Variants in SIGLEC1 observed in about 807,000 individuals in gnomAD.
SIGLEC1 encodes sialoadhesin.
SIGLEC1 carries 132 observed loss-of-function variants against 148.0 expected under a neutral mutation model. That is an observed-to-expected ratio of 0.89 (90% CI 0.77 to 1.03). SIGLEC1 has a LOEUF of 1.03. Among genes scored for constraint, SIGLEC1 ranks in the 50% least tolerant of loss-of-function variants. The pLI is 0.00. For synonymous variants in SIGLEC1, 945 were observed against 969.0 expected (o/e 0.98, Z 0.46); for missense variants, 2,253 against 2,271.4 (o/e 0.99, Z 0.16).
rs199679594 is a variant in SIGLEC1 at position 3,703,895 on chromosome 20, G to A, written c.903C>T (p.Gly301=). The part of the protein sequence containing the change: ...HLPQAAWSDA[G]VYTCQAENGV... ...CGTTCTCAGCTTGGCAGGTGTAGAC[G>A]CCAGCATCGCTCCAGGCTGCCTGGG... The change falls in exon 5 of 22, where the codon GGC becomes GGT. Residue 301 remains glycine (G), a synonymous_variant. Coordinates refer to ENST00000344754, the MANE Select transcript of SIGLEC1 (RefSeq NM_023068.4). 47 of 1,613,894 alleles carry A rather than the reference G, an allele frequency of 2.9e-5. No homozygotes were observed. The Middle Eastern group carries it at 4.9e-4, about 17-fold the overall frequency.
At position 3,693,036 on chromosome 20, in the gene SIGLEC1, G is replaced by C; in HGVS notation, c.3604C>G (p.Gln1202Glu). Residue 1202 changes from glutamine (Q) to glutamate (E), a missense_variant, in exon 15 of 22, where the codon CAG becomes GAG. By Grantham distance (29) the Gln-to-Glu change is conservative. Transcript: ENST00000344754. ...CGACCGGCGTGGCTGAGGGCCAGCT[G>C]GGCGGGCGGGCGGCTGTCCACAGTG... The part of the protein sequence containing the change: ...LCTVDSRPPA[Q>E]LALSHAGRLL... 6.2e-7 allele frequency: 1 copy of C among 1,609,440 alleles called. No homozygotes were observed. The highest frequency in any genetic ancestry group is 8.5e-7 in the Non-Finnish European group (1 of 1,179,254).
intron 5 of SIGLEC1, among the ~76,000 whole-genome samples, 180 bp from the exon 6 acceptor site, chr20:3,703,631 C>G (rs2087869935): frequency 6.6e-6 from 1 of 152,196 alleles, no homozygotes; most frequent in Non-Finnish European, 1.5e-5. Flanking sequence ...ACCAGGATCC[C>G]CCTGACACCC....
At chr20:3,689,286 C>T in intron 20 of SIGLEC1, 59 bp from the exon 21 acceptor site, 3 of 1,424,332 alleles carry the variant, frequency 2.1e-6, no homozygotes, top group Non-Finnish European at 3.0e-6. Context: ...TGCCCCCATT[C>T]CTCTCCCGCT....
In SIGLEC1 at chr20:3,701,458, G is replaced by A; in HGVS notation, c.1412C>T (p.Pro471Leu). The change falls in exon 7 of 22, where the codon CCC becomes CTC. Residue 471 changes from proline to leucine, a missense_variant. Transcript: ENST00000344754. ...TCGGATCTCCAGGCGCAGGGAGTTG[G>A]GACCAGAGGTACCACTGAAGCGTGG... is the stretch of plus-strand genomic sequence containing the variant. ...HSPRFSGTSG[P>L]NSLRLEIRDL... 6.2e-7 allele frequency: 1 copy of A among 1,614,140 alleles called. No individual in the cohort carries two copies. Among genetic ancestry groups the A allele is most frequent in the Non-Finnish European group, 8.5e-7 (1 of 1,180,044 alleles).
intron 11 of SIGLEC1, 45 bp from the exon 12 acceptor site, chr20:3,694,968 T>C (rs2146522476): frequency 6.3e-7 from 1 of 1,577,976 alleles, no homozygotes; most frequent in Non-Finnish European, 8.6e-7. Flanking sequence ...CCACCACACC[T>C]CTCACAGTCT....
chr20:3,691,819 C>T (rs558844860), intron 17 of SIGLEC1, 84 bp downstream of exon 17: 21 of 1,464,038 alleles, frequency 1.4e-5, no homozygotes, highest in Middle Eastern at 1.8e-4. Flanking sequence ...CCAGACAGCC[C>T]GCTCTAGTGG....
rs376235443 is a variant in SIGLEC1 at position 3,697,204 on chromosome 20, C to T, written c.2261G>A (p.Gly754Asp). 5.0e-6 allele frequency: 8 copies of T among 1,613,804 alleles called. No homozygotes were observed. ...CAGCAGTGTCACGGTCTCCAGGGGA[C>T]CCTGGGCCCACAGCACCCCATTTCG... ...WFRNGVLWAQGPLETVTLLPV... is the reference protein window; with the variant it reads ...WFRNGVLWAQDPLETVTLLPV... Residue 754 changes from glycine to aspartate, a missense_variant, in exon 10 of 22, where the codon GGT becomes GAT. Physicochemically the swap from Gly to Asp is moderately conservative, Grantham distance 94. Coordinates refer to ENST00000344754, the MANE Select transcript of SIGLEC1 (RefSeq NM_023068.4).
intron 4 of SIGLEC1, 76 bp from the exon 5 acceptor site, chr20:3,704,167 T>G (rs2087875799): frequency 1.4e-6 from 2 of 1,398,908 alleles, no homozygotes; most frequent in South Asian, 2.5e-5. Flanking sequence ...CTTGCCCCCC[T>G]TTAAAAGCTC....
rs749458139 is a variant in SIGLEC1 at position 3,701,540 on chromosome 20, C to T, written c.1330G>A (p.Val444Met). ...SVVSEPLATL[V>M]LSHGGHILAS... ...AGGATATGACCCCCATGTGACAGCA[C>T]CAGTGTGGCCAGGGGCTCACTGACC... The change falls in exon 7 of 22, where the codon GTG becomes ATG. Residue 444 changes from valine (V) to methionine (M), a missense_variant. Coordinates refer to ENST00000344754, the MANE Select transcript of SIGLEC1 (RefSeq NM_023068.4). 2 of 1,613,722 alleles carry T rather than the reference C, an allele frequency of 1.2e-6. No homozygotes were observed. The highest frequency in any genetic ancestry group is 1.1e-5 in the South Asian group (1 of 91,046).
intron 11 of SIGLEC1, 94 bp from the exon 12 acceptor site, chr20:3,695,017 AC>A (rs2088809044): frequency 7.5e-7 from 1 of 1,337,546 alleles, no homozygotes; most frequent in Non-Finnish European, 1.0e-6. Context: ...ACACAACCCA[AC>A]CCCATGTGCT....
chr20:3,712,006 G>T (rs918758535), intron 1 of SIGLEC1, among the ~76,000 whole-genome samples: 1 of 151,828 alleles, frequency 6.6e-6, no homozygotes, highest in Non-Finnish European at 1.5e-5. Context: ...TGATGGGTGG[G>T]GGTAAGGGTG....
At position 3,703,436 on chromosome 20, in the gene SIGLEC1, A is replaced by T. The variant is rs1480181691; in HGVS notation, c.989T>A (p.Val330Glu). ...SLHIFMAEVQ[V>E]SPAGPILENQ... ...CTCCAGGATGGGACCTGCTGGGCTCACCTGGACCTCAGCCACTGCAAGGGC... is the reference window on the plus strand; with the variant it reads ...CTCCAGGATGGGACCTGCTGGGCTCTCCTGGACCTCAGCCACTGCAAGGGC... The change falls in exon 6 of 22, where the codon GTG becomes GAG. Residue 330 changes from valine (V) to glutamate (E), a missense_variant. By Grantham distance (121) the Val-to-Glu change is moderately radical. Coordinates refer to ENST00000344754, the MANE Select transcript of SIGLEC1 (RefSeq NM_023068.4). The T allele has an allele frequency of 1.3e-6, 2 of 1,574,254 alleles. No individual in the cohort carries two copies. Among genetic ancestry groups the T allele is most frequent in the South Asian group, 2.4e-5 (2 of 83,238 alleles).
At position 3,694,392 on chromosome 20, in the gene SIGLEC1, G is replaced by A. The variant is rs757956041; in HGVS notation, c.3085C>T (p.Gln1029Ter). Reference sequence around the variant, plus strand: ...CTGCCTTCGGGTCCCCCCACACCTTGTAGGGTGGAGGCCACAAGGCGATCC... The same window carrying A: ...CTGCCTTCGGGTCCCCCCACACCTTATAGGGTGGAGGCCACAAGGCGATCC... ...HGDRLVASTL[Q>*]GVGGPEGSSP... The change falls in exon 13 of 22, where the codon CAA becomes TAA. Residue 1029 changes from glutamine to a stop codon, truncating the protein, a stop_gained. Coordinates refer to ENST00000344754, the MANE Select transcript of SIGLEC1 (RefSeq NM_023068.4). LOFTEE classifies it high-confidence loss of function. 8 of 1,613,272 alleles carry A rather than the reference G, an allele frequency of 5.0e-6. No individual in the cohort carries two copies. The highest frequency in any genetic ancestry group is 5.9e-6 in the Non-Finnish European group (7 of 1,179,868).
chr20:3,693,335 G>C, intron 14 of SIGLEC1, 112 bp downstream of exon 14: 1 of 1,286,522 alleles, frequency 7.8e-7, no homozygotes. Flanking sequence ...TGCTCCACTA[G>C]CTACTGGGTA....
At chr20:3,693,408 C>T in intron 14 of SIGLEC1, 39 bp downstream of exon 14, 1 of 1,529,774 alleles carries the variant, frequency 6.5e-7, no homozygotes, top group Non-Finnish European at 8.8e-7. Context: ...GGGCTTCTGT[C>T]ATTCCTGTGA....
rs1360247880 is a variant in SIGLEC1 at position 3,693,703 on chromosome 20, G to A, written c.3257-5C>T. On this transcript the variant is annotated splice_region_variant and splice_polypyrimidine_tract_variant and intron_variant, in intron 13 of 21. Coordinates refer to ENST00000344754, the MANE Select transcript of SIGLEC1 (RefSeq NM_023068.4). The stretch of plus-strand genomic sequence containing the variant: ...GCCACACCTGCACATTCACAGCTGG[G>A]GAGAGGGAGGGCACAGGACACCAGT... The A allele has an allele frequency of 2.5e-6, 4 of 1,568,798 alleles. No individual in the cohort carries two copies. In the South Asian group the frequency reaches 4.9e-5, roughly 19 times the overall value.
At position 3,691,626 on chromosome 20, in the gene SIGLEC1, T is replaced by C. The variant is rs745495642; in HGVS notation, c.4331-26A>G. 9 of 1,604,674 alleles carry C rather than the reference T, an allele frequency of 5.6e-6. No homozygotes were observed. The South Asian group carries it at 8.8e-5, about 16-fold the overall frequency. The stretch of plus-strand genomic sequence containing the variant: ...CTGCGGGCGGAGGATAGAGAGATGA[T>C]TGGGGATCTGTAGGCCTTGGGGGCT... On this transcript the variant is annotated intron_variant, in intron 17 of 21. Transcript: ENST00000344754.
chr20:3,699,262 G>A lies in SIGLEC1; in HGVS notation c.1726C>T (p.Arg576Trp), dbSNP rs200998095. ...SSTDAGSYHC[R>W]ARDGHSASGP... ...CTGGCACTGTGGCCGTCCCGGGCCC[G>A]GCAGTGGTATGAGCCGGCGTCAGTG... is the stretch of plus-strand genomic sequence containing the variant. Residue 576 changes from arginine to tryptophan, a missense_variant, in exon 8 of 22, where the codon CGG becomes TGG. Physicochemically the swap from Arg to Trp is moderately radical, Grantham distance 101. Coordinates refer to ENST00000344754, the MANE Select transcript of SIGLEC1 (RefSeq NM_023068.4). The A allele has an allele frequency of 1.9e-4, 305 of 1,609,888 alleles. 1 individual carries two copies. The highest frequency in any genetic ancestry group is 3.7e-4 in the Admixed American group (22 of 59,636).
In SIGLEC1 at chr20:3,689,717, G is replaced by A. The variant is rs753018237; in HGVS notation, c.4895-15C>T. 2.6e-5 allele frequency: 40 copies of A among 1,557,756 alleles called. No individual in the cohort carries two copies. The highest frequency in any genetic ancestry group is 1.5e-4 in the African/African-American group (11 of 73,652). On this transcript the variant is annotated splice_polypyrimidine_tract_variant and intron_variant, in intron 19 of 21. Transcript: ENST00000344754. ...GCGGTGCAGGGCTGGAACACAGAGC[G>A]GGACTCAGAGCAGCCACAGCTGCAG...
Sources: allele counts gnomAD v4.1 joint callset (sites outside exome capture counted in the v4.1 genomes callset), GRCh38; gene constraint gnomAD v4.1.1; transcripts MANE v1.5; gene names NCBI Gene and HGNC (gene_info 2026-07-23, HGNC 2026-07-21).